Variants in CCDC33 observed in about 807,000 individuals in gnomAD.
CCDC33 encodes the protein coiled-coil domain-containing protein 33.
In CCDC33, 94 loss-of-function variants were observed where a neutral mutation model predicts 91.9. The observed-to-expected ratio is 1.02, with a 90% CI of 0.87 to 1.21. The LOEUF is 1.21. CCDC33 is among the 50% of genes most tolerant of loss of function. CCDC33 has a pLI of 0.00. For synonymous variants in CCDC33, 396 were observed against 374.5 expected (o/e 1.06, Z -0.66); for missense variants, 940 against 935.5 (o/e 1.00, Z -0.06).
chr15:74,323,233 T>TC (rs1406069779), intron 11 of CCDC33, among the ~76,000 whole-genome samples: 1 of 152,074 alleles, frequency 6.6e-6, no homozygotes, highest in Non-Finnish European at 1.5e-5. Flanking sequence ...ACCAAGAGGC[T>TC]CCCTCTGCAG....
chr15:74,262,305 G>A, intron 2 of CCDC33, 135 bp from the exon 3 acceptor site: 1 of 1,154,562 alleles, frequency 8.7e-7, no homozygotes, highest in Admixed American at 2.2e-5. Flanking sequence ...GATGACACAA[G>A]TGTCTATGCA....
At chr15:74,328,078 C>A (rs1363086242) in intron 11 of CCDC33, among the ~76,000 whole-genome samples, 1 of 152,180 alleles carries the variant, frequency 6.6e-6, no homozygotes, top group East Asian at 1.9e-4. Flanking sequence ...TTGTCCAGGG[C>A]AGATATGCTA....
chr15:74,231,714 T>G (rs1209532181), upstream of CCDC33, among the ~76,000 whole-genome samples: 1 of 152,180 alleles, frequency 6.6e-6, no homozygotes, highest in Non-Finnish European at 1.5e-5. Flanking sequence ...ATTTGTGTCC[T>G]CACCTTAAAA....
intron 11 of CCDC33, chr15:74,311,380 G>C (rs2142745621): frequency 6.6e-6 from 1 of 152,226 alleles, no homozygotes; most frequent in East Asian, 1.9e-4. Flanking sequence ...AATAATGAGA[G>C]GGAAGAATGT....
upstream of CCDC33, chr15:74,212,980 C>G (rs148542490): frequency 3.3e-5 from 5 of 151,982 alleles, no homozygotes; most frequent in African/African-American, 1.2e-4. Flanking sequence ...TTTGGGAGGC[C>G]GAGTCGGGTG....
intron 2 of CCDC33, among the ~76,000 whole-genome samples, chr15:74,254,744 CTTTTT>C (rs756927130): frequency 0.05 from 6,293 of 126,348 alleles, 466 homozygotes; most frequent in African/African-American, 0.18. Flanking sequence ...TACCCTCCTT[CTTTTT>C]TTTTTTTTTT....
intron 8 of CCDC33, 141 bp from the exon 9 acceptor site, chr15:74,280,527 G>C: frequency 1.1e-6 from 1 of 927,346 alleles, no homozygotes; most frequent in Non-Finnish European, 1.5e-6. Context: ...CCCTGAAGAT[G>C]AGAAGAGGAT....
intron 11 of CCDC33, among the ~76,000 whole-genome samples, chr15:74,308,354 G>GACACACACACAC (rs5813758): frequency 0.059 from 8,437 of 141,868 alleles, 274 homozygotes; most frequent in Non-Finnish European, 0.071. Context: ...TGTGCAGACA[G>GACACACACACAC]ACAGACACAC....
chr15:74,274,944 G>A (rs774823738), intron 7 of CCDC33, among the ~76,000 whole-genome samples: 1 of 152,276 alleles, frequency 6.6e-6, no homozygotes, highest in Non-Finnish European at 1.5e-5. Context: ...CCCAGGTGCA[G>A]CAGTGAGAGA....
Position 74,266,793 on chromosome 15 carries a change from T to A in CCDC33, c.429+6T>A. 1 of 1,605,692 alleles carries A rather than the reference T, an allele frequency of 6.2e-7. No individual in the cohort carries two copies. ...ACCACTTTGAGCTGGTGAAGGTGAG[T>A]CAGAGGCCTGGGGAAGTGCCGGGAG... On this transcript the variant is annotated splice_donor_region_variant and intron_variant, in intron 4 of 18. Coordinates refer to ENST00000398814, the MANE Select transcript of CCDC33 (RefSeq NM_025055.5).
intron 11 of CCDC33, among the ~76,000 whole-genome samples, chr15:74,324,459 C>G (rs2060268302): frequency 6.6e-6 from 1 of 151,870 alleles, no homozygotes; most frequent in Non-Finnish European, 1.5e-5. Flanking sequence ...TCATCTCCAT[C>G]ATCCAAGCCG....
chr15:74,308,354 G>GACACACACAC (rs5813758), intron 11 of CCDC33, among the ~76,000 whole-genome samples: 67,136 of 141,726 alleles, frequency 0.47, 17,465 homozygotes, highest in Non-Finnish European at 0.59. Flanking sequence ...TGTGCAGACA[G>GACACACACAC]ACAGACACAC....
chr15:74,286,659 C>G (rs1425971245), intron 10 of CCDC33, among the ~76,000 whole-genome samples: 2 of 152,150 alleles, frequency 1.3e-5, no homozygotes, highest in African/African-American at 2.4e-5. Context: ...CAACATTTCT[C>G]CTCTTGCATT....
In CCDC33 at chr15:74,279,948, A is replaced by G. The variant is rs1302558018; in HGVS notation, c.760-15A>G. 1.2e-6 allele frequency: 2 copies of G among 1,612,842 alleles called. No individual in the cohort carries two copies. The highest frequency in any genetic ancestry group is 1.3e-5 in the African/African-American group (1 of 74,844). ...GCTGTGGCCCCCACCACCTGCTCCT[A>G]CCCTCTCCCTCCAGCTGTCCAAGCC... On this transcript the variant is annotated splice_polypyrimidine_tract_variant and intron_variant, in intron 7 of 18. Transcript: ENST00000398814.
At chr15:74,208,940 G>T in intron 1 of CCDC33, 1 of 997,956 alleles carries the variant, frequency 1.0e-6, no homozygotes, top group African/African-American at 1.7e-5. Flanking sequence ...CACCAGCTGG[G>T]CTGGGATCCT....
intron 1 of CCDC33, among the ~76,000 whole-genome samples, chr15:74,237,711 T>C (rs888455191): frequency 6.6e-6 from 1 of 152,132 alleles, no homozygotes. Context: ...CACCCTAAGC[T>C]GCCAGCTGGT....
intron 11 of CCDC33, among the ~76,000 whole-genome samples, chr15:74,329,388 A>G (rs985434970): frequency 2.6e-5 from 4 of 152,162 alleles, no homozygotes; most frequent in African/African-American, 9.7e-5. Context: ...TCAGTCTTGT[A>G]ACTGAGCAAG....
intron 7 of CCDC33, among the ~76,000 whole-genome samples, chr15:74,276,690 G>T (rs1356508072): frequency 4.6e-5 from 7 of 152,166 alleles, no homozygotes; most frequent in African/African-American, 9.6e-5. Context: ...CCAGCCTCCT[G>T]GCTTATGGCT....
At chr15:74,283,953 A>T (rs2059424354) in intron 10 of CCDC33, among the ~76,000 whole-genome samples, 1 of 152,224 alleles carries the variant, frequency 6.6e-6, no homozygotes, top group African/African-American at 2.4e-5. Flanking sequence ...ACATACATGC[A>T]AACTGACACA....
Sources: allele counts gnomAD v4.1 joint callset (sites outside exome capture counted in the v4.1 genomes callset), GRCh38; gene constraint gnomAD v4.1.1; transcripts MANE v1.5; gene names NCBI Gene and HGNC (gene_info 2026-07-23, HGNC 2026-07-21).